The following CDC42 variants were observed in gnomAD, a reference collection of about 807,000 sequenced individuals.
CDC42 encodes cell division cycle 42.
CDC42 carries 1 observed loss-of-function variant against 20.8 expected under a neutral mutation model. The ratio of observed to expected loss-of-function variants is 0.05; its 90% confidence interval spans 0.02 to 0.23. The LOEUF is 0.23. Among genes scored for constraint, CDC42 ranks in the 10% least tolerant of loss-of-function variants. CDC42 has a pLI of 1.00. For missense variants in CDC42, 49 were observed against 227.9 expected, an observed-to-expected ratio of 0.21 and a Z score of 5.05; for synonymous variants, 72 against 84.8, an observed-to-expected ratio of 0.85 and a Z score of 0.83.
chr1:22,072,091 CTTTTTTTTTTTTTTT>C (rs55929932), intron 1 of CDC42, among the ~76,000 whole-genome samples: 4 of 70,810 alleles, frequency 5.6e-5, no homozygotes, highest in Admixed American at 2.1e-4. Context: ...TTTTACTTAC[CTTTTTTTTTTTTTTT>C]TTTTTTTTTG....
intron 1 of CDC42, among the ~76,000 whole-genome samples, chr1:22,074,375 G>A (rs1645525709): frequency 6.6e-6 from 1 of 152,108 alleles, no homozygotes; most frequent in Non-Finnish European, 1.5e-5. Context: ...CGTGCCCAGC[G>A]CAGAATAACT....
intron 1 of CDC42, among the ~76,000 whole-genome samples, chr1:22,061,503 G>A (rs12129231): frequency 0.068 from 9,736 of 143,256 alleles, 666 homozygotes; most frequent in African/African-American, 0.15. Context: ...GAAGTTAGAC[G>A]GTCAATCAGT....
At chr1:22,075,359 A>G (rs994218246) in intron 1 of CDC42, among the ~76,000 whole-genome samples, 1 of 152,228 alleles carries the variant, frequency 6.6e-6, no homozygotes, top group Non-Finnish European at 1.5e-5. Context: ...AACAATTAGT[A>G]TAATCTTCCC....
intron 1 of CDC42, among the ~76,000 whole-genome samples, chr1:22,058,261 A>G (rs1204764260): frequency 6.6e-6 from 1 of 152,164 alleles, no homozygotes; most frequent in Non-Finnish European, 1.5e-5. Flanking sequence ...TGCTAGAGTG[A>G]TGTCTCAAAT....
At chr1:22,062,730 TAAAAAAAAAAAAAA>T (rs531472151) in intron 1 of CDC42, among the ~76,000 whole-genome samples, 49 of 69,426 alleles carry the variant, frequency 7.1e-4, no homozygotes, top group Middle Eastern at 0.028. Context: ...TGGCTCTATT[TAAAAAAAAAAAAAA>T]AAAAAAAAAA....
intron 5 of CDC42, among the ~76,000 whole-genome samples, chr1:22,088,917 A>ATTTTGTGT (rs1557907744): frequency 6.6e-5 from 10 of 152,016 alleles, no homozygotes; most frequent in African/African-American, 2.4e-4. Flanking sequence ...TAAAGAATTT[A>ATTTTGTGT]CTGCTGTTTC....
At chr1:22,077,913 C>CA (rs1225891999) in intron 1 of CDC42, among the ~76,000 whole-genome samples, 1 of 152,194 alleles carries the variant, frequency 6.6e-6, no homozygotes, top group Non-Finnish European at 1.5e-5. Flanking sequence ...TTCAGTTCCT[C>CA]ACGTTACTCA....
At position 22,095,925 on chromosome 1, in the gene CDC42, C is replaced by G. The variant is rs1645755325; in HGVS notation, c.*4408C>G. On this transcript the variant is annotated 3_prime_UTR_variant, in exon 6 of 6. Transcript: ENST00000656825. ...GCATATAGCCGATCCCAAGTCAGTG[C>G]TATTCATTCATTTTTTTAAAAAAAT... Among the ~76,000 whole-genome samples, 1 of 152,018 alleles carries G rather than the reference C, an allele frequency of 6.6e-6. No individual in the cohort carries two copies. Among genetic ancestry groups the G allele is most frequent in the Non-Finnish European group, 1.5e-5 (1 of 68,004 alleles).
In CDC42 at chr1:22,075,418, C is replaced by T. The variant is rs144582498; in HGVS notation, c.-50-3011C>T. Among the ~76,000 whole-genome samples the T allele has an allele frequency of 4.7e-4, 71 of 152,272 alleles. No individual in the cohort carries two copies. In the East Asian group the frequency reaches 0.013, roughly 27 times the overall value. ...CAGAACTCTCCAAGGATACAACAAT[C>T]CTGGAATGCTCAAGTTTCTTATATA... On this transcript the variant is annotated intron_variant, in intron 1 of 5. Coordinates refer to ENST00000656825, the MANE Select transcript of CDC42 (RefSeq NM_001791.4).
chr1:22,060,344 A>T (rs1033129007), intron 1 of CDC42, among the ~76,000 whole-genome samples: 8 of 145,932 alleles, frequency 5.5e-5, no homozygotes, highest in Non-Finnish European at 7.6e-5. Context: ...TCAAAAAATT[A>T]AAAAAAAAAA....
rs16826402 is a variant in CDC42 at position 22,067,681 on chromosome 1, G to A, written c.-50-10748G>A. 2.9e-3 allele frequency among the ~76,000 whole-genome samples: 436 copies of A among 152,218 alleles called. 3 individuals carry two copies. The highest frequency in any genetic ancestry group is 9.8e-3 in the African/African-American group (409 of 41,540). ...TTTTTGCTGTGTCTTCTTGCATGGT[G>A]CAAGGGGTAGGGGAGCTCTCTGGGG... On this transcript the variant is annotated intron_variant, in intron 1 of 5. Coordinates refer to ENST00000656825, the MANE Select transcript of CDC42 (RefSeq NM_001791.4).
Position 22,095,105 on chromosome 1 carries a change from C to A in CDC42, c.*3588C>A, listed in dbSNP as rs925115877. Among the ~76,000 whole-genome samples the A allele has an allele frequency of 6.6e-6, 1 of 152,148 alleles. No homozygotes were observed. The highest frequency in any genetic ancestry group is 2.4e-5 in the African/African-American group (1 of 41,432). On this transcript the variant is annotated 3_prime_UTR_variant, in exon 6 of 6. Transcript: ENST00000656825. The stretch of plus-strand genomic sequence containing the variant: ...AGGAAGTAGCAACTCCATCATCTTT[C>A]AGGAAGGGCTGATGGTTAGGGCATC...
At chr1:22,066,526 G>T (rs763596324) in intron 1 of CDC42, among the ~76,000 whole-genome samples, 1 of 152,184 alleles carries the variant, frequency 6.6e-6, no homozygotes, top group Non-Finnish European at 1.5e-5. Context: ...CCTTTATGGA[G>T]ATTTCCTTAT....
At chr1:22,075,961 A>G (rs918695209) in intron 1 of CDC42, among the ~76,000 whole-genome samples, 1 of 152,248 alleles carries the variant, frequency 6.6e-6, no homozygotes, top group Admixed American at 6.5e-5. Flanking sequence ...CCTTCTCCCA[A>G]TAAAATTCAG....
chr1:22,083,651 T>A (rs944543112), intron 3 of CDC42, among the ~76,000 whole-genome samples: 2 of 152,302 alleles, frequency 1.3e-5, no homozygotes, highest in African/African-American at 4.8e-5. Flanking sequence ...TGCATTTTGC[T>A]GACCCTCCAC....
At position 22,057,912 on chromosome 1, in the gene CDC42, T is replaced by TG. The variant is rs1025384524; in HGVS notation, c.-51+5177dup. On this transcript the variant is annotated intron_variant, in intron 1 of 5. Transcript: ENST00000656825. ...GTAATTTTCGTATTTTTAGTAGAGG[T>TG]GGGGGGGTTTCACCATGTTGGTCAG... Among the ~76,000 whole-genome samples the TG allele has an allele frequency of 8.1e-5, 12 of 148,996 alleles. No individual in the cohort carries two copies. The East Asian group carries it at 1.0e-3, about 13-fold the overall frequency.
chr1:22,078,815 C>T (rs1645577651), intron 2 of CDC42: 2 of 1,430,612 alleles, frequency 1.4e-6, no homozygotes, highest in Admixed American at 2.1e-5. Flanking sequence ...GGCAAAACTC[C>T]AGTAGACAAG....
intron 5 of CDC42, among the ~76,000 whole-genome samples, chr1:22,091,119 ACTC>A (rs1645711479): frequency 6.6e-6 from 1 of 152,146 alleles, no homozygotes. Context: ...ACATTACAAA[ACTC>A]ATACTGAATG....
At position 22,094,783 on chromosome 1, in the gene CDC42, A is replaced by G. The variant is rs1254834081; in HGVS notation, c.*3266A>G. Among the ~76,000 whole-genome samples the G allele has an allele frequency of 6.6e-6, 1 of 152,190 alleles. No homozygotes were observed. The highest frequency in any genetic ancestry group is 1.9e-4 in the East Asian group (1 of 5,196). On this transcript the variant is annotated 3_prime_UTR_variant, in exon 6 of 6. Transcript: ENST00000656825. ...AGGATACCTGTTAACATTGGTGTAC[A>G]TTTAATGTAGTAGTACTTTTTCTCC...
Sources: gnomAD v4.1 joint callset for allele counts (sites outside exome capture counted in the v4.1 genomes callset) on GRCh38, gnomAD v4.1.1 for gene constraint, MANE v1.5 for transcripts, NCBI Gene and HGNC (gene_info 2026-07-23, HGNC 2026-07-21) for gene names.